Variants in TMTC1 observed in about 807,000 individuals in gnomAD.
The protein encoded by TMTC1 is protein O-mannosyl-transferase TMTC1.
A neutral mutation model predicts 104.8 loss-of-function variants in TMTC1; 73 were observed. The ratio of observed to expected loss-of-function variants is 0.70; its 90% CI spans 0.58 to 0.85. TMTC1 has a LOEUF of 0.85. Ranked by LOEUF, TMTC1 falls within the 40% of genes least tolerant of loss-of-function variation. TMTC1 has a pLI of 0.00. For missense variants in TMTC1, 1,035 were observed against 1,096.1 expected, an observed-to-expected ratio of 0.94 and a Z score of 0.79; for synonymous variants, 434 against 428.7, an observed-to-expected ratio of 1.01 and a Z score of -0.15.
At chr12:29,530,400 C>T (rs140524212) in intron 11 of TMTC1, among the ~76,000 whole-genome samples, 394 of 152,280 alleles carry the variant, frequency 2.6e-3, no homozygotes, top group African/African-American at 9.1e-3. Context: ...ATGGTCTCAA[C>T]GCAACTGACC....
At chr12:29,741,615 T>C (rs1409449997) in intron 5 of TMTC1, among the ~76,000 whole-genome samples, 1 of 152,154 alleles carries the variant, frequency 6.6e-6, no homozygotes, top group Non-Finnish European at 1.5e-5. Context: ...TCTCATTTCT[T>C]TGTCTCTTGC....
At chr12:29,626,898 C>T (rs1401607370) in intron 6 of TMTC1, among the ~76,000 whole-genome samples, 5 of 152,146 alleles carry the variant, frequency 3.3e-5, no homozygotes, top group East Asian at 1.9e-4. Flanking sequence ...GTCTGGAGTT[C>T]GAGACCAGCC....
At chr12:29,676,802 A>T (rs145062394) in intron 5 of TMTC1, among the ~76,000 whole-genome samples, 1,755 of 152,306 alleles carry the variant, frequency 0.012, 104 homozygotes, top group Admixed American at 0.1. Flanking sequence ...CAGCCAAATG[A>T]AGCATTTTGT....
chr12:29,684,005 A>G (rs1432279487), intron 5 of TMTC1, among the ~76,000 whole-genome samples: 1 of 152,056 alleles, frequency 6.6e-6, no homozygotes. Flanking sequence ...CACCATGCCC[A>G]GCTAATGTTT....
At chr12:29,617,388 G>A (rs898817961) in intron 6 of TMTC1, among the ~76,000 whole-genome samples, 2 of 151,998 alleles carry the variant, frequency 1.3e-5, no homozygotes, top group Admixed American at 6.6e-5. Context: ...ATGTTTCATT[G>A]CCATCTAAAA....
At chr12:29,612,748 G>C (rs1390294829) in intron 6 of TMTC1, among the ~76,000 whole-genome samples, 1 of 152,162 alleles carries the variant, frequency 6.6e-6, no homozygotes, top group Non-Finnish European at 1.5e-5. Context: ...TCCTCTGAAA[G>C]AATGGACGTA....
chr12:29,730,169 A>T (rs1345103696), intron 5 of TMTC1, among the ~76,000 whole-genome samples: 3 of 152,188 alleles, frequency 2.0e-5, no homozygotes, highest in African/African-American at 7.2e-5. Flanking sequence ...GGACTCTGAA[A>T]ATATTTTACC....
At chr12:29,593,789 AG>A (rs1316906182) in intron 7 of TMTC1, among the ~76,000 whole-genome samples, 4 of 152,268 alleles carry the variant, frequency 2.6e-5, no homozygotes, top group Non-Finnish European at 4.4e-5. Flanking sequence ...AAACCTGATA[AG>A]AAATAAAAGT....
At chr12:29,745,862 T>C (rs1356821591) in intron 5 of TMTC1, among the ~76,000 whole-genome samples, 1 of 152,174 alleles carries the variant, frequency 6.6e-6, no homozygotes, top group Non-Finnish European at 1.5e-5. Context: ...ATCATGCTCC[T>C]ACCTCCTGGA....
chr12:29,638,090 G>A (rs931128941), intron 5 of TMTC1, among the ~76,000 whole-genome samples: 3 of 152,074 alleles, frequency 2.0e-5, no homozygotes, highest in Admixed American at 6.6e-5. Flanking sequence ...GAAGGGCGGG[G>A]TCCCTGGCTA....
At chr12:29,736,790 C>T (rs551954878) in intron 5 of TMTC1, among the ~76,000 whole-genome samples, 5 of 152,246 alleles carry the variant, frequency 3.3e-5, no homozygotes, top group Non-Finnish European at 7.3e-5. Context: ...CTACGTGCAA[C>T]ACTGTGCTGG....
At chr12:29,784,549 C>T (rs1053711557), upstream of TMTC1, 2 of 152,226 alleles carry the variant, frequency 1.3e-5, no homozygotes, top group African/African-American at 4.8e-5. Flanking sequence ...TCTCCCTGGA[C>T]AAGGACATCC....
chr12:29,556,884 G>A lies in TMTC1; in HGVS notation c.1649C>T (p.Ala550Val). Reference sequence around the variant, plus strand: ...GAGGAGATTCCCCAGATTGAAAAGAGCCCGGTTATGCTGTGGATGGAGCTG... The same window carrying A: ...GAGGAGATTCCCCAGATTGAAAAGAACCCGGTTATGCTGTGGATGGAGCTG... ...ALQLHPQHNR[A>V]LFNLGNLLKS... Residue 550 changes from alanine to valine, a missense_variant, in exon 10 of 18, where the codon GCT becomes GTT. By Grantham distance (64) the Ala-to-Val change is moderately conservative. Transcript: ENST00000539277. 6.2e-7 allele frequency: 1 copy of A among 1,614,136 alleles called. No homozygotes were observed. Among genetic ancestry groups the A allele is most frequent in the South Asian group, 1.1e-5 (1 of 91,088 alleles).
chr12:29,765,639 A>C (rs1400015636), intron 2 of TMTC1, among the ~76,000 whole-genome samples: 1 of 150,970 alleles, frequency 6.6e-6, no homozygotes, highest in Non-Finnish European at 1.5e-5. Flanking sequence ...TTGATATATC[A>C]TAAATAAAAC....
intron 5 of TMTC1, among the ~76,000 whole-genome samples, chr12:29,635,421 T>C (rs1938501051): frequency 6.6e-6 from 1 of 152,204 alleles, no homozygotes; most frequent in African/African-American, 2.4e-5. Context: ...GCTCTGTCTC[T>C]CAGTCACATC....
Position 29,751,737 on chromosome 12 carries a change from G to A in TMTC1, c.867C>T (p.His289=). ...FPHKGAWGGC[H]SPLPPEPKSS... The stretch of plus-strand genomic sequence containing the variant: ...TCTTGGGTTCTGGTGGCAGTGGAGA[G>A]TGGCAGCCACCCCAAGCTCCTTTGT... The change falls in exon 5 of 18, where the codon CAC becomes CAT. Residue 289 remains histidine (H), a synonymous_variant. Transcript: ENST00000539277. 6.2e-7 allele frequency: 1 copy of A among 1,614,156 alleles called. No individual in the cohort carries two copies. The highest frequency in any genetic ancestry group is 1.6e-4 in the Middle Eastern group (1 of 6,062).
chr12:29,542,255 A>T (rs1944822188), intron 10 of TMTC1, among the ~76,000 whole-genome samples: 1 of 152,096 alleles, frequency 6.6e-6, no homozygotes, highest in Non-Finnish European at 1.5e-5. Context: ...CCCTTTAAGA[A>T]CTCATGTGAT....
chr12:29,633,435 G>T, intron 5 of TMTC1, 99 bp from the exon 6 acceptor site: 1 of 969,872 alleles, frequency 1.0e-6, no homozygotes, highest in Non-Finnish European at 1.5e-6. Context: ...TTTCTACCCA[G>T]TCAATGTTAT....
chr12:29,517,682 C>A (rs960184967), intron 13 of TMTC1, 111 bp from the exon 14 acceptor site: 2 of 1,256,102 alleles, frequency 1.6e-6, no homozygotes, highest in Non-Finnish European at 2.2e-6. Context: ...TGCTCCAATA[C>A]GGTCTTTGTT....
Sources: allele counts gnomAD v4.1 joint callset (sites outside exome capture counted in the v4.1 genomes callset), GRCh38; gene constraint gnomAD v4.1.1; transcripts MANE v1.5; gene names NCBI Gene and HGNC (gene_info 2026-07-23, HGNC 2026-07-21).